The following PKD1L1 variants were observed in gnomAD, a reference collection of about 807,000 sequenced individuals.
PKD1L1 encodes polycystin 1 like 1, transient receptor potential channel interacting.
A neutral mutation model predicts 323.4 loss-of-function variants in PKD1L1; 236 were observed. The observed-to-expected ratio is 0.73, with a 90% CI of 0.66 to 0.81. The LOEUF (loss-of-function observed/expected upper bound fraction) is 0.81. Ranked by LOEUF, PKD1L1 falls within the 40% of genes least tolerant of loss-of-function variation. The pLI, the probability that PKD1L1 is intolerant of heterozygous loss-of-function variation, is 0.00. For missense variants in PKD1L1, 3,320 were observed against 3,508.0 expected (o/e 0.95, Z 1.35); for synonymous variants, 1,344 against 1,335.0 (o/e 1.01, Z -0.15).
chr7:47,856,394 T>A (rs1785905575), intron 28 of PKD1L1, among the ~76,000 whole-genome samples: 1 of 152,224 alleles, frequency 6.6e-6, no homozygotes, highest in Non-Finnish European at 1.5e-5. Context: ...CTGATTGACA[T>A]AATAACAATT....
At chr7:47,934,428 T>C (rs1338427807) in intron 4 of PKD1L1, among the ~76,000 whole-genome samples, 1 of 152,240 alleles carries the variant, frequency 6.6e-6, no homozygotes, top group Non-Finnish European at 1.5e-5. Context: ...CAACGGCATG[T>C]CAACCCGGAT....
In PKD1L1 at chr7:47,894,866, A is replaced by C. The variant is rs1470828551; in HGVS notation, c.2272-807T>G. Reference sequence around the variant, plus strand: ...GAGTGAGACCCTGTCAAAAAAAAAAAAAAACTGACGCAATTTGAAAAAATA... The same window carrying C: ...GAGTGAGACCCTGTCAAAAAAAAAACAAAACTGACGCAATTTGAAAAAATA... On this transcript the variant is annotated intron_variant, in intron 14 of 56. Transcript: ENST00000289672. Among the ~76,000 whole-genome samples the C allele has an allele frequency of 5.3e-5, 8 of 151,744 alleles. No individual in the cohort carries two copies. In the East Asian group the frequency reaches 9.7e-4, roughly 18 times the overall value.
chr7:47,889,102 G>A (rs980090487), intron 16 of PKD1L1, among the ~76,000 whole-genome samples: 3 of 152,122 alleles, frequency 2.0e-5, no homozygotes, highest in African/African-American at 7.2e-5. Context: ...GTGTGTGTGT[G>A]TGAAAGGGTG....
intron 19 of PKD1L1, among the ~76,000 whole-genome samples, chr7:47,883,710 G>A (rs1786615912): frequency 6.6e-6 from 1 of 152,204 alleles, no homozygotes; most frequent in African/African-American, 2.4e-5. Flanking sequence ...AAGCAGCTGA[G>A]GAGGACTGTT....
intron 13 of PKD1L1, among the ~76,000 whole-genome samples, chr7:47,902,012 A>G (rs1787099326): frequency 6.6e-6 from 1 of 151,830 alleles, no homozygotes; most frequent in Non-Finnish European, 1.5e-5. Context: ...AGCATAATCC[A>G]AAAAAAGAAA....
intron 49 of PKD1L1, 126 bp from the exon 50 acceptor site, chr7:47,812,177 C>T: frequency 2.7e-6 from 2 of 743,698 alleles, no homozygotes; most frequent in Non-Finnish European, 2.2e-6. Context: ...ACACACAGTG[C>T]CTGGGCTTCA....
chr7:47,876,271 A>G, intron 22 of PKD1L1, 54 bp from the exon 23 acceptor site: 1 of 1,571,992 alleles, frequency 6.4e-7, no homozygotes, highest in Non-Finnish European at 8.7e-7. Flanking sequence ...ACTGTGAATG[A>G]TATCACAATA....
chr7:47,827,627 G>A (rs971147264), intron 44 of PKD1L1, among the ~76,000 whole-genome samples, 159 bp from the exon 45 acceptor site: 1 of 152,248 alleles, frequency 6.6e-6, no homozygotes, highest in Admixed American at 6.5e-5. Flanking sequence ...CATAGACCAG[G>A]TTGTTGGGGA....
chr7:47,916,550 C>G (rs904897340), intron 7 of PKD1L1, among the ~76,000 whole-genome samples: 2 of 152,186 alleles, frequency 1.3e-5, no homozygotes, highest in East Asian at 3.8e-4. Context: ...GACCCACAGA[C>G]TCCCTGAAGT....
At chr7:47,941,629 G>A (rs905599716) in intron 2 of PKD1L1, among the ~76,000 whole-genome samples, 3 of 152,188 alleles carry the variant, frequency 2.0e-5, no homozygotes, top group African/African-American at 7.2e-5. Context: ...GAGTGCCATT[G>A]AGCACCCATG....
chr7:47,905,957 C>T lies in PKD1L1; in HGVS notation c.1408G>A (p.Val470Met). 1 of 1,596,058 alleles carries T rather than the reference C, an allele frequency of 6.3e-7. No homozygotes were observed. The highest frequency in any genetic ancestry group is 8.5e-7 in the Non-Finnish European group (1 of 1,174,092). The change falls in exon 10 of 57, where the codon GTG becomes ATG. Residue 470 changes from valine (V) to methionine (M), a missense_variant. Transcript: ENST00000289672. ...ADSQVNQKST[V>M]VIHHFPSIPS... ...ATAGATGGAAAGTGATGTATAACCA[C>T]AGTGCCTAAAATGAGAAAAAAAGGA...
intron 40 of PKD1L1, 60 bp from the exon 41 acceptor site, chr7:47,833,312 G>A (rs536935522): frequency 9.0e-6 from 14 of 1,549,770 alleles, no homozygotes; most frequent in East Asian, 2.3e-5. Context: ...CACACGTGAC[G>A]CTCAACAGTG....
At position 47,880,667 on chromosome 7, in the gene PKD1L1, C is replaced by T. The variant is rs370006559; in HGVS notation, c.3520+61G>A. ...CACCCCATTCCTTAGGAAGAGTAAACTCACAGAGACGCAGCAGGACTCCTC... is the reference window on the plus strand; with the variant it reads ...CACCCCATTCCTTAGGAAGAGTAAATTCACAGAGACGCAGCAGGACTCCTC... On this transcript the variant is annotated intron_variant, in intron 21 of 56. Coordinates refer to ENST00000289672, the MANE Select transcript of PKD1L1 (RefSeq NM_138295.5). 1.5e-5 allele frequency: 21 copies of T among 1,360,162 alleles called. No individual in the cohort carries two copies. In the African/African-American group the frequency reaches 2.7e-4, roughly 18 times the overall value. The allele number at this position is 1,360,162 out of a possible 1,614,324, so 84.3% of individuals were successfully genotyped here.
chr7:47,778,086 T>C (rs889292420), intron 56 of PKD1L1, among the ~76,000 whole-genome samples: 13 of 152,114 alleles, frequency 8.5e-5, no homozygotes, highest in Non-Finnish European at 1.9e-4. Flanking sequence ...TGGACTATTG[T>C]TTATCATTAA....
rs183205678 is a variant in PKD1L1 at position 47,923,666 on chromosome 7, T to A, written c.1060+5538A>T. 4.0e-3 allele frequency among the ~76,000 whole-genome samples: 592 copies of A among 149,596 alleles called. 4 individuals are homozygous for A. Among genetic ancestry groups the A allele is most frequent in the Non-Finnish European group, 6.2e-3 (422 of 67,808 alleles). ...ACTCTGGCAAAAATAAATAAATAAA[T>A]AAATAATAAAAATAAATAAATAAAT... On this transcript the variant is annotated intron_variant, in intron 7 of 56. Coordinates refer to ENST00000289672, the MANE Select transcript of PKD1L1 (RefSeq NM_138295.5).
chr7:47,861,899 A>C (rs1200312073), intron 26 of PKD1L1, among the ~76,000 whole-genome samples: 2 of 145,252 alleles, frequency 1.4e-5, no homozygotes, highest in South Asian at 4.5e-4. Context: ...AAAAAAAAAA[A>C]AAAAAAACAA....
intron 37 of PKD1L1, 132 bp from the exon 38 acceptor site, chr7:47,835,375 A>T: frequency 1.7e-6 from 1 of 580,728 alleles, no homozygotes; most frequent in Non-Finnish European, 3.0e-6. Context: ...CTCTTCATGA[A>T]TCATGAATTT....
chr7:47,873,369 C>G (rs1053939291), intron 24 of PKD1L1, among the ~76,000 whole-genome samples: 1 of 152,092 alleles, frequency 6.6e-6, no homozygotes, highest in Non-Finnish European at 1.5e-5. Flanking sequence ...GAAAGTGAGG[C>G]TGGGCGCGGT....
At chr7:47,876,329 G>T in intron 22 of PKD1L1, 112 bp from the exon 23 acceptor site, 1 of 1,250,784 alleles carries the variant, frequency 8.0e-7, no homozygotes, top group Non-Finnish European at 1.1e-6. Context: ...ATTCTTTACA[G>T]CCAGGAAGAG....
Sources: gnomAD v4.1 joint callset for allele counts (sites outside exome capture counted in the v4.1 genomes callset) on GRCh38, gnomAD v4.1.1 for gene constraint, MANE v1.5 for transcripts, NCBI Gene and HGNC (gene_info 2026-07-23, HGNC 2026-07-21) for gene names.